Variants in TTL observed in about 807,000 individuals in gnomAD.
The protein encoded by TTL is tubulin tyrosine ligase.
Under a neutral mutation model 41.1 loss-of-function variants are expected in TTL, and 10 were observed. The observed-to-expected ratio is 0.24, with a 90% CI of 0.15 to 0.41. TTL has a LOEUF of 0.41. Among genes scored for constraint, TTL ranks in the 10% least tolerant of loss-of-function variants. The pLI is 1.00. For missense variants in TTL, 367 were observed against 460.4 expected (o/e 0.80, Z 1.86); for synonymous variants, 175 against 175.5 (o/e 1.00, Z 0.02).
chr2:112,509,358 T>A (rs965688234), intron 5 of TTL, among the ~76,000 whole-genome samples: 1 of 151,980 alleles, frequency 6.6e-6, no homozygotes, highest in Non-Finnish European at 1.5e-5. Context: ...TCGAGCTTCC[T>A]GGCTGCTTTG....
In TTL at chr2:112,491,484, CTG is replaced by C. The variant is rs201714433; in HGVS notation, c.237-2656_237-2655del. Among the ~76,000 whole-genome samples, 3 of 152,134 alleles carry C rather than the reference CTG, an allele frequency of 2.0e-5. No individual in the cohort carries two copies. In the East Asian group the frequency reaches 5.8e-4, roughly 29 times the overall value. ...GATATTGTTAGAAAGGTTTTGTAGT[CTG>C]TGGGCAATTGTGACTCAGCTGAAGA... On this transcript the variant is annotated intron_variant, in intron 2 of 6. Coordinates refer to ENST00000233336, the MANE Select transcript of TTL (RefSeq NM_153712.5).
At chr2:112,523,297 AACT>A (rs772014732) in intron 6 of TTL, among the ~76,000 whole-genome samples, 4 of 152,102 alleles carry the variant, frequency 2.6e-5, no homozygotes, top group South Asian at 2.1e-4. Context: ...TCATTGCACT[AACT>A]GCCATCAGAT....
At position 112,527,501 on chromosome 2, in the gene TTL, A is replaced by G. The variant is rs535508187; in HGVS notation, c.1020-1180A>G. On this transcript the variant is annotated intron_variant, in intron 6 of 6. Coordinates refer to ENST00000233336, the MANE Select transcript of TTL (RefSeq NM_153712.5). ...GCTTTATGAATCTGGGTGCGCCTGT[A>G]TTGGGTGCATATATATTTAGGATAG... Among the ~76,000 whole-genome samples, 348 of 152,280 alleles carry G rather than the reference A, an allele frequency of 2.3e-3. 1 individual carries two copies. The highest frequency in any genetic ancestry group is 7.7e-3 in the African/African-American group (320 of 41,558).
Position 112,520,398 on chromosome 2 carries a change from A to G in TTL, c.992A>G (p.Glu331Gly). The change falls in exon 6 of 7, where the codon GAG becomes GGG. Residue 331 changes from glutamate to glycine, a missense_variant. Physicochemically the swap from Glu to Gly is moderately conservative, Grantham distance 98. Transcript: ENST00000233336. The part of the protein sequence containing the change: ...VDEELKVWLI[E>G]VNGAPACAQK... ...GAGGAGCTGAAGGTGTGGCTCATTG[A>G]GGTCAACGGTGCCCCTGCATGTGCT... The G allele has an allele frequency of 6.2e-7, 1 of 1,614,058 alleles. No individual in the cohort carries two copies. The highest frequency in any genetic ancestry group is 8.5e-7 in the Non-Finnish European group (1 of 1,180,018).
chr2:112,518,585 TATTA>T (rs1411824458), intron 5 of TTL, among the ~76,000 whole-genome samples: 1 of 152,084 alleles, frequency 6.6e-6, no homozygotes, highest in Non-Finnish European at 1.5e-5. Flanking sequence ...CTCAGTTCTT[TATTA>T]AAGTCATGAG....
At position 112,482,648 on chromosome 2, in the gene TTL, G is replaced by A; in HGVS notation, c.157+147G>A. 1.1e-6 allele frequency: 1 copy of A among 924,318 alleles called. No individual in the cohort carries two copies. The highest frequency in any genetic ancestry group is 3.0e-4 in the Middle Eastern group (1 of 3,368). The allele number at this position is 924,318 out of a possible 1,614,324, so 57.3% of individuals were successfully genotyped here. Reference sequence around the variant, plus strand: ...GGCACATCAGAAACGGATTCGGAAAGATCGAAACCTGTCGTTTTTAATGCT... The same window carrying A: ...GGCACATCAGAAACGGATTCGGAAAAATCGAAACCTGTCGTTTTTAATGCT... On this transcript the variant is annotated intron_variant, in intron 1 of 6. Transcript: ENST00000233336. The surrounding 1 kb of genome is among the most constrained non-coding windows in gnomAD (Gnocchi z 5.3).
At position 112,541,092 on chromosome 2, in the gene TTL, A is replaced by C. The variant is rs1392010904; in HGVS notation, c.*12297A>C. On this transcript the variant is annotated 3_prime_UTR_variant, in exon 7 of 7. Coordinates refer to ENST00000233336, the MANE Select transcript of TTL (RefSeq NM_153712.5). Reference sequence around the variant, plus strand: ...GATGATTACATCGTATGCCTATATGAAAACATCTCATATACCTCATAAATA... The same window carrying C: ...GATGATTACATCGTATGCCTATATGCAAACATCTCATATACCTCATAAATA... 6.6e-6 allele frequency: 1 copy of C among 152,212 alleles called. No individual in the cohort carries two copies. The highest frequency in any genetic ancestry group is 2.4e-5 in the African/African-American group (1 of 41,456). 9.4% of individuals were successfully genotyped at this position (152,212 alleles called of 1,614,324 possible).
chr2:112,502,762 C>A, intron 4 of TTL, 150 bp from the exon 5 acceptor site: 1 of 636,374 alleles, frequency 1.6e-6, no homozygotes, highest in Non-Finnish European at 2.5e-6. Flanking sequence ...TCATAACATG[C>A]CTCTTATAGT....
intron 3 of TTL, among the ~76,000 whole-genome samples, chr2:112,495,091 A>G (rs1264072920): frequency 1.3e-5 from 2 of 152,140 alleles, no homozygotes; most frequent in Non-Finnish European, 2.9e-5. Flanking sequence ...TTCTATCCTC[A>G]GCTTTGCTCT....
rs960450202 is a variant in TTL at position 112,540,426 on chromosome 2, C to T, written c.*11631C>T. The stretch of plus-strand genomic sequence containing the variant: ...AGAGCAAAACTCTGTCTCAAAAAAA[C>T]AAAAAACAAAAAAAAAAAAAAAAGA... On this transcript the variant is annotated 3_prime_UTR_variant, in exon 7 of 7. Coordinates refer to ENST00000233336, the MANE Select transcript of TTL (RefSeq NM_153712.5). The T allele has an allele frequency of 2.5e-5, 1 of 39,606 alleles. No homozygotes were observed. The highest frequency in any genetic ancestry group is 6.5e-5 in the Non-Finnish European group (1 of 15,354). The allele number at this position is 39,606 out of a possible 1,614,324, so 2.5% of individuals were successfully genotyped here.
chr2:112,501,400 T>C (rs958344381), intron 4 of TTL, 59 bp downstream of exon 4: 1 of 1,450,024 alleles, frequency 6.9e-7, no homozygotes, highest in African/African-American at 1.4e-5. Context: ...TGCCATGGTA[T>C]GTGGTGGGAA....
At chr2:112,516,308 T>C (rs1462423352) in intron 5 of TTL, among the ~76,000 whole-genome samples, 2 of 152,228 alleles carry the variant, frequency 1.3e-5, no homozygotes, top group African/African-American at 4.8e-5. Flanking sequence ...GTTTCATGTC[T>C]TTCCACAAGG....
intron 6 of TTL, 48 bp from the exon 7 acceptor site, chr2:112,528,633 T>G: frequency 6.6e-7 from 1 of 1,509,652 alleles, no homozygotes; most frequent in Non-Finnish European, 9.2e-7. Context: ...TTTTTTTGCT[T>G]GTACTTTGAT....
rs117471851 is a variant in TTL at position 112,523,006 on chromosome 2, A to G, written c.1019+2581A>G. On this transcript the variant is annotated intron_variant, in intron 6 of 6. Transcript: ENST00000233336. ...GACCATGCCATTCTCCAGACTTGCC[A>G]TTGCACCTAGGACACAAACCAGACT... is the stretch of plus-strand genomic sequence containing the variant. Among the ~76,000 whole-genome samples, 777 of 152,214 alleles carry G rather than the reference A, an allele frequency of 5.1e-3. 12 individuals carry two copies. Among genetic ancestry groups the G allele is most frequent in the Admixed American group, 0.036 (554 of 15,280 alleles).
intron 1 of TTL, among the ~76,000 whole-genome samples, chr2:112,485,700 A>T (rs1306020318): frequency 1.3e-5 from 2 of 152,238 alleles, no homozygotes; most frequent in Non-Finnish European, 2.9e-5. Flanking sequence ...CAAACCTACG[A>T]TGTTGATATA....
chr2:112,540,370 A>T lies in TTL; in HGVS notation c.*11575A>T, dbSNP rs560105309. The T allele has an allele frequency of 1.3e-5, 2 of 152,042 alleles. No homozygotes were observed. Among genetic ancestry groups the T allele is most frequent in the East Asian group, 3.9e-4 (2 of 5,170 alleles). The allele number at this position is 152,042 out of a possible 1,614,324, so 9.4% of individuals were successfully genotyped here. A position where few individuals can be genotyped will look rare whatever the true frequency, so the allele number is the denominator to read the frequency against. The stretch of plus-strand genomic sequence containing the variant: ...GAGGTAGAGGTTGCAGTGAGCCAAG[A>T]TCATGCCACTGCACTCCATCCTCAG... On this transcript the variant is annotated 3_prime_UTR_variant, in exon 7 of 7. Transcript: ENST00000233336.
At chr2:112,493,738 A>G (rs1041446251) in intron 2 of TTL, among the ~76,000 whole-genome samples, 14 of 152,160 alleles carry the variant, frequency 9.2e-5, no homozygotes, top group African/African-American at 3.4e-4. Flanking sequence ...TCTCCCATAG[A>G]GAGTTGGGCC....
intron 1 of TTL, 41 bp from the exon 2 acceptor site, chr2:112,485,876 T>C: frequency 6.6e-7 from 1 of 1,522,370 alleles, no homozygotes; most frequent in Non-Finnish European, 8.8e-7. Flanking sequence ...TCCTGCTTGC[T>C]GTGTCCTGTG....
intron 1 of TTL, among the ~76,000 whole-genome samples, chr2:112,484,667 T>G (rs1163297306): frequency 6.6e-6 from 1 of 152,140 alleles, no homozygotes; most frequent in Non-Finnish European, 1.5e-5. Context: ...GTGTACTACA[T>G]GAAAGCCAAG....
Sources: allele counts gnomAD v4.1 joint callset (sites outside exome capture counted in the v4.1 genomes callset), GRCh38; gene constraint gnomAD v4.1.1; non-coding constraint Gnocchi (gnomAD v3.1); transcripts MANE v1.5; gene names NCBI Gene and HGNC (gene_info 2026-07-23, HGNC 2026-07-21).